HUWE1: variants seen among roughly 807,000 people sequenced by gnomAD.
HUWE1 encodes the protein HECT, UBA and WWE domain containing E3 ubiquitin protein ligase 1.
In HUWE1, 18 loss-of-function variants were observed where a neutral mutation model predicts 299.4. That is an observed-to-expected ratio of 0.06 (90% CI 0.04 to 0.09). The LOEUF is 0.09. Among genes scored for constraint, HUWE1 ranks in the 10% least tolerant of loss-of-function variants. The pLI is 1.00. For synonymous variants in HUWE1, 1,317 were observed against 1,286.1 expected, an observed-to-expected ratio of 1.02 and a Z score of -0.51; for missense variants, 1,832 against 3,462.3, an observed-to-expected ratio of 0.53 and a Z score of 11.82.
intron 78 of HUWE1, among the ~76,000 whole-genome samples, chrX:53,537,014 G>C: frequency 8.9e-6 from 1 of 112,192 alleles, no homozygotes; most frequent in Non-Finnish European, 1.9e-5. Flanking sequence ...TTCTCTAAAG[G>C]TATTTGGTGG....
chrX:53,594,390 T>C (rs2064338375), intron 31 of HUWE1, 109 bp downstream of exon 31: 3 of 825,751 alleles, frequency 3.6e-6, no homozygotes, highest in Non-Finnish European at 5.3e-6. Flanking sequence ...GCTATTTCTA[T>C]ATATCCCACT....
intron 73 of HUWE1, among the ~76,000 whole-genome samples, chrX:53,543,070 T>A (rs1556920034): frequency 9.0e-6 from 1 of 110,853 alleles, no homozygotes; most frequent in African/African-American, 3.3e-5. Flanking sequence ...ATAACAGCTT[T>A]ATTTTCCCTT....
At chrX:53,621,819 T>C (rs1289634226) in intron 19 of HUWE1, among the ~76,000 whole-genome samples, 1 of 112,105 alleles carries the variant, frequency 8.9e-6, no homozygotes. Context: ...TACAACTATA[T>C]CTTGCTCCCT....
chrX:53,600,358 T>TA, intron 28 of HUWE1, 49 bp from the exon 29 acceptor site: 2 of 937,994 alleles, frequency 2.1e-6, no homozygotes, highest in Non-Finnish European at 3.0e-6. Flanking sequence ...AGCCAACATT[T>TA]ACCTGGTTCC....
chrX:53,673,393 C>T (rs1245037377), intron 3 of HUWE1, among the ~76,000 whole-genome samples: 10 of 111,380 alleles, frequency 9.0e-5, no homozygotes, highest in African/African-American at 2.0e-4. Context: ...CTTGAGGATG[C>T]GGCTCAAGTT....
At chrX:53,666,135 A>G (rs1219639433) in intron 3 of HUWE1, among the ~76,000 whole-genome samples, 2 of 112,464 alleles carry the variant, frequency 1.8e-5, no homozygotes, top group African/African-American at 6.5e-5. Context: ...CTTAAAAATA[A>G]CTTACTTCAC....
Position 53,626,628 on chromosome X carries a change from T to C in HUWE1, c.1489+782A>G, listed in dbSNP as rs782613022. ...GCTATGGTAGGTAAGTGAGCATTCATTTTTACTTTATACACTTGAATAACT... is the reference window on the plus strand; with the variant it reads ...GCTATGGTAGGTAAGTGAGCATTCACTTTTACTTTATACACTTGAATAACT... On this transcript the variant is annotated intron_variant, in intron 17 of 83. Coordinates refer to ENST00000262854, the MANE Select transcript of HUWE1 (RefSeq NM_031407.7). Among the ~76,000 whole-genome samples the C allele has an allele frequency of 5.4e-5, 6 of 112,058 alleles. No homozygotes were observed. In the East Asian group the frequency reaches 1.4e-3, roughly 26 times the overall value.
intron 2 of HUWE1, chrX:53,683,787 C>A: frequency 3.5e-6 from 1 of 282,541 alleles, no homozygotes; most frequent in Non-Finnish European, 6.2e-6. Context: ...TGGGTCCTGG[C>A]CGGACAGACA....
Position 53,602,707 on chromosome X carries a change from TGATA to T in HUWE1, c.2877-53_2877-50del. 5 of 577,423 alleles carry T rather than the reference TGATA, an allele frequency of 8.7e-6. No homozygotes were observed. In the African/African-American group the frequency reaches 9.3e-5, roughly 11 times the overall value. The allele number at this position is 577,423 out of a possible 1,213,427, so 47.6% of individuals were successfully genotyped here. A position where few individuals can be genotyped will look rare whatever the true frequency, so the allele number is the denominator to read the frequency against. On this transcript the variant is annotated intron_variant, in intron 27 of 83. Transcript: ENST00000262854. ...AAAAGAAATATATATATATATATAC[TGATA>T]ATTCACCTCTTATATTGTAAATGGT...
intron 23 of HUWE1, among the ~76,000 whole-genome samples, chrX:53,611,323 T>C (rs1335931184): frequency 9.0e-6 from 1 of 110,859 alleles, no homozygotes; most frequent in Admixed American, 9.6e-5. Context: ...CAATGAAAAG[T>C]AACAAGTTGC....
chrX:53,608,818 A>G (rs951201647), intron 24 of HUWE1, 34 bp downstream of exon 24: 6 of 893,973 alleles, frequency 6.7e-6, no homozygotes, highest in Non-Finnish European at 9.9e-6. Context: ...GCACATATAC[A>G]TCTTTACTCA....
chrX:53,651,170 T>C (rs1313957900), intron 4 of HUWE1, among the ~76,000 whole-genome samples: 1 of 86,157 alleles, frequency 1.2e-5, no homozygotes, highest in Non-Finnish European at 2.2e-5. Context: ...TATTAAGGGG[T>C]AAATGGTATA....
chrX:53,625,791 CG>C, intron 17 of HUWE1: 1 of 123,741 alleles, frequency 8.1e-6, no homozygotes. Flanking sequence ...CGCACCAGGA[CG>C]GGGGCCAGGG....
At chrX:53,541,865 CA>C (rs1429083970) in intron 74 of HUWE1, among the ~76,000 whole-genome samples, 2 of 111,396 alleles carry the variant, frequency 1.8e-5, no homozygotes, top group Non-Finnish European at 3.8e-5. Flanking sequence ...GACCCTGCCT[CA>C]ATAATAAAAC....
chrX:53,545,867 C>CT lies in HUWE1; in HGVS notation c.10915+568dup, dbSNP rs1870329181. ...GAGGGTGGGACAGGGTAGACAGACT[C>CT]TATGTTGAAAGAAAACCTGGCTGTA... On this transcript the variant is annotated intron_variant, in intron 70 of 83. Transcript: ENST00000262854. Among the ~76,000 whole-genome samples the CT allele has an allele frequency of 4.5e-5, 5 of 111,230 alleles. No homozygotes were observed. The South Asian group carries it at 1.9e-3, about 43-fold the overall frequency.
intron 28 of HUWE1, among the ~76,000 whole-genome samples, chrX:53,600,586 G>A (rs1416780987): frequency 8.9e-6 from 1 of 112,244 alleles, no homozygotes; most frequent in African/African-American, 3.2e-5. Flanking sequence ...CAACCCAGGG[G>A]GTACCATTCA....
In HUWE1 at chrX:53,584,402, G is replaced by A. The variant is rs180817541; in HGVS notation, c.5002-57C>T. On this transcript the variant is annotated intron_variant, in intron 40 of 83. Transcript: ENST00000262854. ...CTACCAAAAATGAATTATAAAGGTGGGGGAGGGGAGGGACATCTCCCAGGT... is the reference window on the plus strand; with the variant it reads ...CTACCAAAAATGAATTATAAAGGTGAGGGAGGGGAGGGACATCTCCCAGGT... 551 of 965,233 alleles carry A rather than the reference G, an allele frequency of 5.7e-4. 1 individual carries two copies. The African/African-American group carries it at 9.7e-3, about 17-fold the overall frequency. The allele number at this position is 965,233 out of a possible 1,213,427, so 79.5% of individuals were successfully genotyped here. A position where few individuals can be genotyped will look rare whatever the true frequency, so the allele number is the denominator to read the frequency against.
chrX:53,607,907 C>T lies in HUWE1; in HGVS notation c.2320-208G>A, dbSNP rs1186183776. On this transcript the variant is annotated intron_variant, in intron 24 of 83. Coordinates refer to ENST00000262854, the MANE Select transcript of HUWE1 (RefSeq NM_031407.7). Reference sequence around the variant, plus strand: ...ACAATTTCTGCCCAATCTCCATTTTCAAGCACACCAAGAATCAGATATTTC... The same window carrying T: ...ACAATTTCTGCCCAATCTCCATTTTTAAGCACACCAAGAATCAGATATTTC... 3.6e-5 allele frequency among the ~76,000 whole-genome samples: 4 copies of T among 111,603 alleles called. No individual in the cohort carries two copies. In the East Asian group the frequency reaches 8.4e-4, roughly 23 times the overall value.
chrX:53,637,683 C>G (rs782395770), intron 7 of HUWE1, among the ~76,000 whole-genome samples: 122 of 112,409 alleles, frequency 1.1e-3, no homozygotes, highest in African/African-American at 3.7e-3. Context: ...TCAAACGTGA[C>G]TCACGAAAGT....
Sources: gnomAD v4.1 joint callset for allele counts (sites outside exome capture counted in the v4.1 genomes callset) on GRCh38, gnomAD v4.1.1 for gene constraint, MANE v1.5 for transcripts, NCBI Gene and HGNC (gene_info 2026-07-23, HGNC 2026-07-21) for gene names.